Variants in SMIM36 observed in about 807,000 individuals in gnomAD.
SMIM36 encodes small integral membrane protein 36.
At chr17:55,494,226 C>T (rs747040004) in intron 1 of SMIM36, among the ~76,000 whole-genome samples, 3 of 152,056 alleles carry the variant, frequency 2.0e-5, no homozygotes, top group East Asian at 3.8e-4. Flanking sequence ...GTACGAGACA[C>T]GCACTCCTTT....
At chr17:55,513,463 T>C (rs1177542898), upstream of SMIM36, among the ~76,000 whole-genome samples, 1 of 152,220 alleles carries the variant, frequency 6.6e-6, no homozygotes, top group Non-Finnish European at 1.5e-5. Flanking sequence ...CCATTTATAA[T>C]TGGAAAGTTT....
Position 55,511,412 on chromosome 17 carries a change from A to G in SMIM36, c.-78T>C. 2.5e-6 allele frequency: 1 copy of G among 397,524 alleles called. No individual in the cohort carries two copies. Among genetic ancestry groups the G allele is most frequent in the Non-Finnish European group, 4.4e-6 (1 of 225,906 alleles). 24.6% of individuals were successfully genotyped at this position (397,524 alleles called of 1,614,324 possible). On this transcript the variant is annotated 5_prime_UTR_variant, in exon 1 of 5. The change abolishes the stop of an existing upstream ORF in the 5' untranslated region. Transcript: ENST00000636752. ...TTGGGCATTGCAGAGAGCAGATCTT[A>G]GAGCATCGGAATAGCTACATTGGCT...
At chr17:55,478,473 G>T (rs552276616) in intron 3 of SMIM36, among the ~76,000 whole-genome samples, 72 of 152,132 alleles carry the variant, frequency 4.7e-4, no homozygotes, top group Non-Finnish European at 9.6e-4. Context: ...CAAGTGATCT[G>T]CCCGCCTTGA....
intron 1 of SMIM36, among the ~76,000 whole-genome samples, chr17:55,499,515 T>C (rs1292469867): frequency 1.3e-5 from 2 of 152,202 alleles, no homozygotes; most frequent in Non-Finnish European, 2.9e-5. Context: ...GAGGATTAAA[T>C]GATATCATGA....
intron 3 of SMIM36, among the ~76,000 whole-genome samples, chr17:55,474,773 C>A (rs142684541): frequency 1.7e-3 from 261 of 152,110 alleles, no homozygotes; most frequent in Middle Eastern, 3.4e-3. Flanking sequence ...TGTTTTGTCT[C>A]AAGGAAACAT....
chr17:55,489,917 C>T (rs544677325), intron 1 of SMIM36, among the ~76,000 whole-genome samples: 128 of 152,042 alleles, frequency 8.4e-4, no homozygotes, highest in African/African-American at 3.0e-3. Flanking sequence ...GGCACAATCT[C>T]GGCTCACTGC....
chr17:55,516,651 C>T, the SMIM36 span, among the ~76,000 whole-genome samples: 47 of 147,998 alleles, frequency 3.2e-4, no homozygotes, highest in Admixed American at 2.7e-4. Context: ...CTCCGCCTCC[C>T]GGTTTCAAGC....
At chr17:55,467,462 T>A (rs1002315107) in intron 3 of SMIM36, 134 bp from the exon 4 acceptor site, 1 of 152,136 alleles carries the variant, frequency 6.6e-6, no homozygotes, top group African/African-American at 2.4e-5. Context: ...AGTGGCGTGA[T>A]CTCGGCTCCC....
intron 1 of SMIM36, among the ~76,000 whole-genome samples, chr17:55,494,202 G>C (rs1909766531): frequency 6.6e-6 from 1 of 152,170 alleles, no homozygotes; most frequent in African/African-American, 2.4e-5. Context: ...GTGCTGCGGG[G>C]AGGTGAAATA....
At chr17:55,459,701 T>C (rs1310018814) in intron 4 of SMIM36, among the ~76,000 whole-genome samples, 7 of 152,246 alleles carry the variant, frequency 4.6e-5, no homozygotes, top group Admixed American at 1.3e-4. Flanking sequence ...CTAGAATAGA[T>C]GCTAAAAATG....
chr17:55,520,580 T>TA, the SMIM36 span, among the ~76,000 whole-genome samples: 14 of 152,156 alleles, frequency 9.2e-5, no homozygotes, highest in African/African-American at 3.4e-4. Flanking sequence ...AATGGGCAGG[T>TA]AGCATGTACA....
intron 4 of SMIM36, among the ~76,000 whole-genome samples, chr17:55,457,425 T>A (rs1909043601): frequency 7.5e-6 from 1 of 132,732 alleles, no homozygotes; most frequent in African/African-American, 2.9e-5. Context: ...CACTCCAGCT[T>A]GGGTGACAAG....
At chr17:55,453,165 A>T (rs112649040) in intron 4 of SMIM36, among the ~76,000 whole-genome samples, 2 of 152,094 alleles carry the variant, frequency 1.3e-5, no homozygotes, top group South Asian at 4.1e-4. Flanking sequence ...AAAATTTTTA[A>T]ATTAGCCAGG....
the SMIM36 span, among the ~76,000 whole-genome samples, chr17:55,529,224 C>T: frequency 1.3e-5 from 2 of 152,174 alleles, no homozygotes; most frequent in East Asian, 1.9e-4. Context: ...CATACAGAGA[C>T]AATACAAAGC....
chr17:55,453,413 G>T (rs1028432918), intron 4 of SMIM36, among the ~76,000 whole-genome samples: 15 of 152,210 alleles, frequency 9.9e-5, no homozygotes, highest in African/African-American at 3.4e-4. Flanking sequence ...ACGTTTAAAG[G>T]CCTGCAAACC....
At chr17:55,479,366 C>G (rs1466269663) in intron 2 of SMIM36, 94 bp downstream of exon 2, 1 of 152,210 alleles carries the variant, frequency 6.6e-6, no homozygotes, top group Non-Finnish European at 1.5e-5. Context: ...AGGCAGATTA[C>G]CTGAGGTCAG....
At chr17:55,526,566 T>C in the SMIM36 span, among the ~76,000 whole-genome samples, 1 of 152,200 alleles carries the variant, frequency 6.6e-6, no homozygotes, top group Non-Finnish European at 1.5e-5. Context: ...GTCTGCCTCC[T>C]CGCCAGCAGA....
rs190322384 is a variant in SMIM36, at chr17:55,466,192, G to T, written c.*531+953C>A. Among the ~76,000 whole-genome samples, 7 of 145,104 alleles carry T rather than the reference G, an allele frequency of 4.8e-5. No individual in the cohort carries two copies. The East Asian group carries it at 1.4e-3, about 29-fold the overall frequency. ...CTAGGGAGGCTGAGGTAGGAGAATC[G>T]CTTGAACCTGGGAGGCAGAGGTTGC... On this transcript the variant is annotated intron_variant, in intron 4 of 4. Transcript: ENST00000636752.
At chr17:55,518,393 C>A in the SMIM36 span, among the ~76,000 whole-genome samples, 1 of 152,174 alleles carries the variant, frequency 6.6e-6, no homozygotes, top group Admixed American at 6.5e-5. Context: ...TACCGATACA[C>A]GAACTTTGGG....
Sources: gnomAD v4.1 joint callset for allele counts (sites outside exome capture counted in the v4.1 genomes callset) on GRCh38, gnomAD v4.1.1 for gene constraint, MANE v1.5 for transcripts, NCBI Gene and HGNC (gene_info 2026-07-23, HGNC 2026-07-21) for gene names.